PAX5: variants seen among roughly 807,000 people sequenced by gnomAD.
PAX5 encodes the protein paired box protein Pax-5.
PAX5 carries 9 observed loss-of-function variants against 43.7 expected under a neutral mutation model. The observed-to-expected ratio is 0.21, with a 90% CI of 0.12 to 0.36. The LOEUF (loss-of-function observed/expected upper bound fraction) is 0.36. Among genes scored for constraint, PAX5 ranks in the 10% least tolerant of loss-of-function variants. The pLI is 1.00. For missense variants in PAX5, 383 were observed against 532.7 expected, an observed-to-expected ratio of 0.72 and a Z score of 2.77; for synonymous variants, 228 against 214.3, an observed-to-expected ratio of 1.06 and a Z score of -0.56.
At chr9:36,874,503 A>G (rs1354547721) in intron 8 of PAX5, among the ~76,000 whole-genome samples, 1 of 152,000 alleles carries the variant, frequency 6.6e-6, no homozygotes, top group Non-Finnish European at 1.5e-5. Context: ...CTGGGAACCC[A>G]CACCAGCCAC....
At chr9:37,022,152 A>G (rs1839909216) in intron 1 of PAX5, among the ~76,000 whole-genome samples, 1 of 152,238 alleles carries the variant, frequency 6.6e-6, no homozygotes, top group Non-Finnish European at 1.5e-5. Flanking sequence ...AAAAACGTCC[A>G]GGCTCAGGCT....
chr9:36,964,111 C>T (rs769531051), intron 6 of PAX5, among the ~76,000 whole-genome samples: 1 of 151,550 alleles, frequency 6.6e-6, no homozygotes, highest in Non-Finnish European at 1.5e-5. Context: ...AAACCCTGCC[C>T]CTACTAAAAA....
intron 7 of PAX5, among the ~76,000 whole-genome samples, chr9:36,906,399 T>C (rs1828825393): frequency 6.6e-6 from 1 of 152,180 alleles, no homozygotes; most frequent in Non-Finnish European, 1.5e-5. Flanking sequence ...GATGCTACTC[T>C]GCTGGCTTTG....
intron 5 of PAX5, among the ~76,000 whole-genome samples, chr9:36,985,683 G>A (rs1249214833): frequency 6.6e-6 from 1 of 152,174 alleles, no homozygotes; most frequent in Non-Finnish European, 1.5e-5. Flanking sequence ...AGAGCATGGG[G>A]ATACACACAG....
rs193029553 is a variant in PAX5 at position 37,015,950 on chromosome 9, A to G, written c.213-756T>C. On this transcript the variant is annotated intron_variant, in intron 2 of 9. Coordinates refer to ENST00000358127, the MANE Select transcript of PAX5 (RefSeq NM_016734.3). The surrounding 1 kb of genome is among the most constrained non-coding windows in gnomAD (Gnocchi z 4.4). ...CAAAATTCTTTCACATTCATCTACC[A>G]TTTTATAGTTTACAGAAAACTTTCG... is the stretch of plus-strand genomic sequence containing the variant. Among the ~76,000 whole-genome samples the G allele has an allele frequency of 5.3e-5, 8 of 152,350 alleles. No individual in the cohort carries two copies. The East Asian group carries it at 1.5e-3, about 29-fold the overall frequency.
In PAX5 at chr9:36,966,649, T is replaced by C; in HGVS notation, c.680A>G (p.Asp227Gly). ...CTCCAGCTGCTGCTGTGTGAACAAG[T>C]CTCCCCGCATCTGCTTCCGGAGGAA... ...RDFLRKQMRG[D>G]LFTQQQLEVL... The change falls in exon 6 of 10, where the codon GAC becomes GGC. Residue 227 changes from aspartate to glycine, a missense_variant. Physicochemically the swap from Asp to Gly is moderately conservative, Grantham distance 94. Coordinates refer to ENST00000358127, the MANE Select transcript of PAX5 (RefSeq NM_016734.3). 1 of 1,614,060 alleles carries C rather than the reference T, an allele frequency of 6.2e-7. No homozygotes were observed. The highest frequency in any genetic ancestry group is 8.5e-7 in the Non-Finnish European group (1 of 1,179,996).
intron 1 of PAX5, among the ~76,000 whole-genome samples, chr9:37,022,206 A>G (rs1300296643): frequency 6.6e-6 from 1 of 152,248 alleles, no homozygotes; most frequent in African/African-American, 2.4e-5. Flanking sequence ...TGAAGTACTT[A>G]GTTGCAGTTC....
chr9:36,953,147 CA>C (rs1165801484), intron 6 of PAX5, among the ~76,000 whole-genome samples: 1 of 152,158 alleles, frequency 6.6e-6, no homozygotes, highest in Non-Finnish European at 1.5e-5. Flanking sequence ...TTTCTTTCAA[CA>C]CTTTTAATAT....
chr9:37,001,827 T>C (rs72735672), intron 5 of PAX5, among the ~76,000 whole-genome samples: 44 of 132,970 alleles, frequency 3.3e-4, no homozygotes, highest in South Asian at 7.6e-4. Flanking sequence ...TTTTTTTTTT[T>C]TTTTTTTCTT....
At chr9:36,921,104 C>T (rs998786412) in intron 7 of PAX5, among the ~76,000 whole-genome samples, 5 of 152,116 alleles carry the variant, frequency 3.3e-5, no homozygotes, top group Admixed American at 6.6e-5. Flanking sequence ...TGAGCCACTG[C>T]GCCCAGCCAG....
intron 3 of PAX5, among the ~76,000 whole-genome samples, chr9:37,010,806 G>A (rs888004191): frequency 2.0e-5 from 3 of 152,288 alleles, no homozygotes; most frequent in Admixed American, 1.3e-4. Context: ...GGGTCCAACT[G>A]TGCCAAGCTG....
At chr9:36,904,795 A>G (rs1828686230) in intron 7 of PAX5, among the ~76,000 whole-genome samples, 1 of 152,216 alleles carries the variant, frequency 6.6e-6, no homozygotes, top group Non-Finnish European at 1.5e-5. Context: ...ATTAGTAACG[A>G]CCAATCATAG....
intron 1 of PAX5, among the ~76,000 whole-genome samples, chr9:37,030,220 G>A (rs187218979): frequency 1.1e-3 from 165 of 152,330 alleles, no homozygotes; most frequent in African/African-American, 3.6e-3. Flanking sequence ...CTTGGGGGAA[G>A]GAGTTTCCCT....
At chr9:36,867,657 C>A (rs574760155) in intron 8 of PAX5, among the ~76,000 whole-genome samples, 2 of 152,192 alleles carry the variant, frequency 1.3e-5, no homozygotes, top group African/African-American at 4.8e-5. Flanking sequence ...GCTCTTCAGG[C>A]GAAGGGTATG....
At chr9:36,888,982 C>G (rs113962717) in intron 7 of PAX5, among the ~76,000 whole-genome samples, 4 of 152,330 alleles carry the variant, frequency 2.6e-5, no homozygotes, top group African/African-American at 9.6e-5. Flanking sequence ...ATACAACGAT[C>G]TGAGCATGGG....
intron 3 of PAX5, among the ~76,000 whole-genome samples, 160 bp from the exon 4 acceptor site, chr9:37,006,697 G>A (rs1838424060): frequency 6.6e-6 from 1 of 152,182 alleles, no homozygotes; most frequent in Non-Finnish European, 1.5e-5. Flanking sequence ...AACCCAGGCT[G>A]GAATCAGGAG....
intron 8 of PAX5, among the ~76,000 whole-genome samples, chr9:36,873,324 T>C (rs918809296): frequency 1.3e-5 from 2 of 152,192 alleles, no homozygotes; most frequent in East Asian, 1.9e-4. Flanking sequence ...TAGCCCACAA[T>C]TGGCACCAAG....
chr9:37,030,237 A>G (rs1217888174), intron 1 of PAX5, among the ~76,000 whole-genome samples: 1 of 152,180 alleles, frequency 6.6e-6, no homozygotes, highest in Non-Finnish European at 1.5e-5. Flanking sequence ...CCCTCTGGAT[A>G]GGGGTGATTC....
intron 5 of PAX5, among the ~76,000 whole-genome samples, chr9:36,998,418 C>T (rs1475624644): frequency 2.0e-5 from 3 of 152,174 alleles, no homozygotes; most frequent in Non-Finnish European, 4.4e-5. Context: ...ACAAAAGCAC[C>T]CTTGACTGAG....
Sources: allele counts gnomAD v4.1 joint callset (sites outside exome capture counted in the v4.1 genomes callset), GRCh38; gene constraint gnomAD v4.1.1; non-coding constraint Gnocchi (gnomAD v3.1); transcripts MANE v1.5; gene names NCBI Gene and HGNC (gene_info 2026-07-23, HGNC 2026-07-21).